The following PLEKHG4B variants were observed in gnomAD, a reference collection of about 807,000 sequenced individuals.
PLEKHG4B encodes pleckstrin homology domain-containing family G member 4B.
PLEKHG4B carries 111 observed loss-of-function variants against 121.3 expected under a neutral mutation model. The observed-to-expected ratio is 0.92, with a 90% CI of 0.78 to 1.07. The LOEUF is 1.07. Ranked by LOEUF, PLEKHG4B falls within the 50% of genes least tolerant of loss-of-function variation. The probability of loss-of-function intolerance (pLI) is 0.00; values close to 1 mark genes in which losing one functional copy is unlikely to be tolerated. For synonymous variants in PLEKHG4B, 738 were observed against 725.0 expected, an observed-to-expected ratio of 1.02 and a Z score of -0.29; for missense variants, 1,831 against 1,757.8, an observed-to-expected ratio of 1.04 and a Z score of -0.74.
chr5:155,143 G>A (rs1371616886), intron 8 of PLEKHG4B, 152 bp downstream of exon 8: 7 of 859,226 alleles, frequency 8.1e-6, no homozygotes, highest in South Asian at 1.6e-5. Context: ...ACACAACCAC[G>A]CCGTGGTGCA....
chr5:169,615 G>C, intron 14 of PLEKHG4B, 23 bp downstream of exon 14: 1 of 1,608,260 alleles, frequency 6.2e-7, no homozygotes, highest in Non-Finnish European at 8.5e-7. Context: ...CATGGCGTGG[G>C]TGCCGGGCAA....
At position 174,028 on chromosome 5, in the gene PLEKHG4B, G is replaced by C. The variant is rs753264504; in HGVS notation, c.4332G>C (p.Ser1444=). 19 of 1,606,594 alleles carry C rather than the reference G, an allele frequency of 1.2e-5. No homozygotes were observed. Among genetic ancestry groups the C allele is most frequent in the South Asian group, 8.9e-5 (8 of 89,446 alleles). Residue 1444 remains serine, a synonymous_variant, in exon 18 of 20, where the codon TCG becomes TCC. Coordinates refer to ENST00000637938, the MANE Select transcript of PLEKHG4B (RefSeq NM_052909.5). ...ACACCTACATTCTCCAAGCAAGCTC[G>C]GCAGAGGTCAAGAGTGCATGGACCG... ...SQDTYILQAS[S]AEVKSAWTDV... is the part of the protein sequence containing the mutation.
At chr5:134,058 A>AAT (rs1184569941) in intron 2 of PLEKHG4B, among the ~76,000 whole-genome samples, 18 of 124,988 alleles carry the variant, frequency 1.4e-4, no homozygotes, top group South Asian at 5.0e-4. Context: ...TATATGATAG[A>AAT]ATATATATAT....
At chr5:149,607 T>C (rs1709454693) in intron 6 of PLEKHG4B, among the ~76,000 whole-genome samples, 2 of 152,148 alleles carry the variant, frequency 1.3e-5, no homozygotes, top group South Asian at 2.1e-4. Flanking sequence ...GGGGGAAATT[T>C]TGGCAAATTA....
intron 2 of PLEKHG4B, among the ~76,000 whole-genome samples, chr5:135,187 C>CAAAAAAAAAA (rs35601775): frequency 1.8e-4 from 9 of 48,776 alleles, no homozygotes; most frequent in African/African-American, 5.7e-4. Flanking sequence ...GACTCCAGCT[C>CAAAAAAAAAA]AAAAAAAAAA....
intron 6 of PLEKHG4B, among the ~76,000 whole-genome samples, chr5:148,294 T>C (rs1735492058): frequency 6.7e-6 from 1 of 149,796 alleles, no homozygotes; most frequent in African/African-American, 2.5e-5. Flanking sequence ...TAAAATTATC[T>C]CTATTCCCAG....
intron 6 of PLEKHG4B, among the ~76,000 whole-genome samples, chr5:146,347 C>G (rs1452401572): frequency 1.4e-5 from 2 of 142,964 alleles, no homozygotes; most frequent in Admixed American, 1.4e-4. Flanking sequence ...CTCCATGGTC[C>G]TCCCTCCTCT....
intron 2 of PLEKHG4B, among the ~76,000 whole-genome samples, chr5:134,927 T>C (rs6882665): frequency 0.18 from 27,667 of 151,902 alleles, 3,395 homozygotes; most frequent in African/African-American, 0.35. Flanking sequence ...CGGTGGCTCA[T>C]GCCTATAATC....
chr5:142,137 A>G (rs1419599820), intron 3 of PLEKHG4B, among the ~76,000 whole-genome samples: 1 of 152,222 alleles, frequency 6.6e-6, no homozygotes, highest in Non-Finnish European at 1.5e-5. Flanking sequence ...ACTTGGGGGC[A>G]ACACTACCTG....
In PLEKHG4B at chr5:182,566, T is replaced by C; in HGVS notation, c.*243T>C. 1 of 525,256 alleles carries C rather than the reference T, an allele frequency of 1.9e-6. No individual in the cohort carries two copies. Among genetic ancestry groups the C allele is most frequent in the Admixed American group, 3.2e-5 (1 of 31,350 alleles). The allele number at this position is 525,256 out of a possible 1,614,324, so 32.5% of individuals were successfully genotyped here. ...TCCACTTCCACCCAAGACAACAGCA[T>C]AGGAAACAGACCTAAAACAAGACAA... On this transcript the variant is annotated 3_prime_UTR_variant, in exon 20 of 20. Coordinates refer to ENST00000637938, the MANE Select transcript of PLEKHG4B (RefSeq NM_052909.5).
intron 17 of PLEKHG4B, 74 bp downstream of exon 17, chr5:173,141 C>A: frequency 6.8e-7 from 1 of 1,470,284 alleles, no homozygotes; most frequent in Non-Finnish European, 9.4e-7. Flanking sequence ...CTTGTCTCAC[C>A]TAAGGCCAGC....
Position 140,309 on chromosome 5 carries a change from T to C in PLEKHG4B, c.1070T>C (p.Met357Thr). Reference sequence around the variant, plus strand: ...AGACGCTGGTTCAGGGAGTCGTACATGGAAGCCTTGCGGAACCCCATGCCC... The same window carrying C: ...AGACGCTGGTTCAGGGAGTCGTACACGGAAGCCTTGCGGAACCCCATGCCC... The part of the protein sequence containing the change: ...QPRRWFRESY[M>T]EALRNPMPLG... Residue 357 changes from methionine (M) to threonine (T), a missense_variant, in exon 3 of 20, where the codon ATG becomes ACG. Transcript: ENST00000637938. The C allele has an allele frequency of 1.3e-6, 2 of 1,501,090 alleles. No homozygotes were observed. The highest frequency in any genetic ancestry group is 1.8e-6 in the Non-Finnish European group (2 of 1,127,816). The allele number at this position is 1,501,090 out of a possible 1,614,324, so 93.0% of individuals were successfully genotyped here.
Position 140,720 on chromosome 5 carries a change from A to G in PLEKHG4B, c.1477+4A>G. 1.9e-6 allele frequency: 3 copies of G among 1,551,652 alleles called. No homozygotes were observed. The highest frequency in any genetic ancestry group is 2.6e-6 in the Non-Finnish European group (3 of 1,149,938). On this transcript the variant is annotated splice_donor_region_variant and intron_variant, in intron 3 of 19. Transcript: ENST00000637938. ...CCCGGCTGCACCAAAGAGGAAGGTA[A>G]ATGCTCCCCACGCCCTCCCCTGCGC... is the stretch of plus-strand genomic sequence containing the variant.
In PLEKHG4B at chr5:140,599, GC is replaced by G; in HGVS notation, c.1362del (p.Cys455AlafsTer16). On this transcript the variant is annotated frameshift_variant, in exon 3 of 20. Transcript: ENST00000637938. LOFTEE classifies it high-confidence loss of function. ...PRSSRGAQAA[A>X]CHTSHHSAGS... ...AAGCTCCAGAGGGGCCCAGGCTGCA[GC>G]CTGCCACACCTCCCACCACTCAGCA... The G allele has an allele frequency of 6.2e-7, 1 of 1,610,464 alleles. No individual in the cohort carries two copies. Among genetic ancestry groups the G allele is most frequent in the South Asian group, 1.1e-5 (1 of 90,880 alleles).
At chr5:111,144 C>T (rs1206583340) in intron 1 of PLEKHG4B, among the ~76,000 whole-genome samples, 2 of 152,272 alleles carry the variant, frequency 1.3e-5, no homozygotes, top group Non-Finnish European at 2.9e-5. Context: ...GCAGACACAT[C>T]AGGCCAGGAG....
At chr5:175,140 C>T (rs1218391434) in intron 18 of PLEKHG4B, among the ~76,000 whole-genome samples, 5 of 152,092 alleles carry the variant, frequency 3.3e-5, no homozygotes, top group African/African-American at 9.7e-5. Flanking sequence ...CATGTTTAAC[C>T]CTCTGGTTGA....
chr5:106,988 T>C (rs1024762340), intron 1 of PLEKHG4B, among the ~76,000 whole-genome samples: 1 of 152,228 alleles, frequency 6.6e-6, no homozygotes, highest in Non-Finnish European at 1.5e-5. Context: ...CTTATCCGAT[T>C]CTTTTCCCGG....
In PLEKHG4B at chr5:163,232, G is replaced by C. The variant is rs369190864; in HGVS notation, c.3160G>C (p.Glu1054Gln). The change falls in exon 13 of 20, where the codon GAG (glutamate) becomes CAG (glutamine). Residue 1054 changes from glutamate (E) to glutamine (Q), a missense_variant. By Grantham distance (29) the Glu-to-Gln change is conservative. Coordinates refer to ENST00000637938, the MANE Select transcript of PLEKHG4B (RefSeq NM_052909.5). The stretch of plus-strand genomic sequence containing the variant: ...GGCAGGGGCCACCACGGCCCACCTG[G>C]AGGACAGCTCTGCCTGTTCCTCTGA... Reference protein sequence around the residue: ...PGAGATTAHLEDSSACSSEPT... With the variant: ...PGAGATTAHLQDSSACSSEPT... 6.0e-4 allele frequency: 962 copies of C among 1,606,780 alleles called. 8 individuals carry two copies. In the South Asian group the frequency reaches 8.4e-3, roughly 14 times the overall value.
At chr5:174,144 C>T (rs368779192) in intron 18 of PLEKHG4B, 46 bp downstream of exon 18, 4 of 1,258,480 alleles carry the variant, frequency 3.2e-6, no homozygotes, top group East Asian at 3.2e-5. Flanking sequence ...AGGGGCACAG[C>T]TAGGGGCAGG....
Sources: gnomAD v4.1 joint callset for allele counts (sites outside exome capture counted in the v4.1 genomes callset) on GRCh38, gnomAD v4.1.1 for gene constraint, MANE v1.5 for transcripts, NCBI Gene and HGNC (gene_info 2026-07-23, HGNC 2026-07-21) for gene names.